Variants in TMEM132B observed in about 807,000 individuals in gnomAD.
The protein encoded by TMEM132B is transmembrane protein 132B.
A neutral mutation model predicts 90.8 loss-of-function variants in TMEM132B; 18 were observed. The observed-to-expected ratio is 0.20, with a 90% CI of 0.14 to 0.29. The LOEUF is 0.29. Ranked by LOEUF, TMEM132B falls within the 10% of genes least tolerant of loss-of-function variation. TMEM132B has a pLI of 1.00. For synonymous variants in TMEM132B, 504 were observed against 523.3 expected (o/e 0.96, Z 0.50); for missense variants, 1,096 against 1,326.8 (o/e 0.83, Z 2.70).
At chr12:125,327,782 T>A (rs1455576141) in intron 1 of TMEM132B, among the ~76,000 whole-genome samples, 1 of 152,114 alleles carries the variant, frequency 6.6e-6, no homozygotes, top group Non-Finnish European at 1.5e-5. Context: ...TGGGGTCTTC[T>A]ATAGTCCAAG....
intron 3 of TMEM132B, among the ~76,000 whole-genome samples, chr12:125,421,515 G>A (rs998525355): frequency 1.8e-4 from 28 of 152,182 alleles, no homozygotes; most frequent in African/African-American, 6.5e-4. Flanking sequence ...CCATGAGTCA[G>A]TTACCTCCCA....
chr12:125,613,794 A>G (rs987463922), intron 5 of TMEM132B, among the ~76,000 whole-genome samples: 6 of 152,106 alleles, frequency 3.9e-5, no homozygotes, highest in Non-Finnish European at 7.4e-5. Flanking sequence ...TCTCAGAAGC[A>G]TAGAGAAGAG....
At chr12:125,602,460 A>G (rs772856485) in intron 5 of TMEM132B, among the ~76,000 whole-genome samples, 15 of 152,216 alleles carry the variant, frequency 9.9e-5, no homozygotes, top group Non-Finnish European at 2.2e-4. Flanking sequence ...GATGAAACAT[A>G]TCTCAAAATA....
Position 125,407,509 on chromosome 12 carries a change from C to T in TMEM132B, c.960-8022C>T, listed in dbSNP as rs1055586302. Among the ~76,000 whole-genome samples the T allele has an allele frequency of 7.2e-5, 11 of 152,202 alleles. No homozygotes were observed. Among genetic ancestry groups the T allele is most frequent in the South Asian group, 2.1e-4 (1 of 4,822 alleles). ...GAGTGAGATGGAGAAGGTGTGACCC[C>T]GTGCCCTGTCTGTCTGTCCCTGCTG... On this transcript the variant is annotated intron_variant, in intron 2 of 8. Coordinates refer to ENST00000682704, the MANE Select transcript of TMEM132B (RefSeq NM_001366854.1). This position sits in a 1 kb window ranked among gnomAD's most constrained non-coding sequence, Gnocchi z 6.7.
chr12:125,467,386 C>T (rs1031445159), intron 3 of TMEM132B, among the ~76,000 whole-genome samples: 6 of 152,254 alleles, frequency 3.9e-5, no homozygotes, highest in Admixed American at 2.0e-4. Context: ...TCTCCTCCTC[C>T]TCTTTCTCCT....
At chr12:125,305,487 T>A (rs940086091) in intron 1 of TMEM132B, among the ~76,000 whole-genome samples, 1 of 152,156 alleles carries the variant, frequency 6.6e-6, no homozygotes, top group African/African-American at 2.4e-5. Context: ...TAAGAAGTCC[T>A]GGCATAAAGT....
intron 1 of TMEM132B, among the ~76,000 whole-genome samples, chr12:125,219,769 A>C (rs1205758036): frequency 6.6e-6 from 1 of 152,206 alleles, no homozygotes; most frequent in Non-Finnish European, 1.5e-5. Context: ...CATAATCAAT[A>C]ACAATCCCTT....
At chr12:125,270,778 G>C (rs536596808) in intron 1 of TMEM132B, among the ~76,000 whole-genome samples, 6 of 150,530 alleles carry the variant, frequency 4.0e-5, no homozygotes, top group African/African-American at 9.8e-5. Flanking sequence ...CAGAGACTCT[G>C]TGGGGGTTGG....
intron 1 of TMEM132B, among the ~76,000 whole-genome samples, chr12:125,330,919 C>A (rs527996720): frequency 3.3e-5 from 5 of 152,368 alleles, no homozygotes; most frequent in Non-Finnish European, 1.5e-5. Context: ...GTGTTCCTAG[C>A]TACTCAGGAG....
intron 5 of TMEM132B, among the ~76,000 whole-genome samples, chr12:125,635,593 A>G (rs533393880): frequency 4.6e-5 from 7 of 152,356 alleles, no homozygotes; most frequent in East Asian, 1.9e-4. Context: ...ACAGTGCCAC[A>G]GTAAACACAG....
chr12:125,476,052 G>C (rs1233241104), intron 3 of TMEM132B, among the ~76,000 whole-genome samples: 9 of 152,130 alleles, frequency 5.9e-5, no homozygotes, highest in Non-Finnish European at 1.2e-4. Flanking sequence ...TTAATGTTTG[G>C]GGAAGCCGGG....
rs142270065 is a variant in TMEM132B at position 125,570,356 on chromosome 12, C to A, written c.1294-13495C>A. Among the ~76,000 whole-genome samples, 21 of 152,318 alleles carry A rather than the reference C, an allele frequency of 1.4e-4. No homozygotes were observed. In the East Asian group the frequency reaches 4.1e-3, roughly 29 times the overall value. On this transcript the variant is annotated intron_variant, in intron 4 of 8. Transcript: ENST00000682704. ...ATGACCATCTTCCCTGTGAGTGACCCTCAATCGTGTCAGTTAAGCAGCACT... is the reference window on the plus strand; with the variant it reads ...ATGACCATCTTCCCTGTGAGTGACCATCAATCGTGTCAGTTAAGCAGCACT...
At chr12:125,296,589 G>A (rs539867942) in intron 1 of TMEM132B, among the ~76,000 whole-genome samples, 1 of 152,148 alleles carries the variant, frequency 6.6e-6, no homozygotes, top group Non-Finnish European at 1.5e-5. Context: ...TTTATGATTT[G>A]CTGTTGGTCT....
At chr12:125,286,041 G>A (rs1234564812) in intron 1 of TMEM132B, among the ~76,000 whole-genome samples, 1 of 152,186 alleles carries the variant, frequency 6.6e-6, no homozygotes, top group Admixed American at 6.5e-5. Context: ...CCATTAACTC[G>A]AAATGAATCA....
chr12:125,472,889 G>A (rs1183249787), intron 3 of TMEM132B, among the ~76,000 whole-genome samples: 1 of 152,174 alleles, frequency 6.6e-6, no homozygotes, highest in Non-Finnish European at 1.5e-5. Context: ...TTGTAGTCAC[G>A]CAAACAAAGT....
Position 125,267,494 on chromosome 12 carries a change from G to A in TMEM132B, c.67+80628G>A, listed in dbSNP as rs117965737. ...GGTTCCATGAATAAAAGGAAGAAGG[G>A]GAGAAAGGAAACTAGAATTAGCCAT... On this transcript the variant is annotated intron_variant, in intron 1 of 8. Transcript: ENST00000682704. 3.3e-3 allele frequency among the ~76,000 whole-genome samples: 508 copies of A among 152,210 alleles called. 19 individuals carry two copies. In the East Asian group the frequency reaches 0.087, roughly 26 times the overall value.
chr12:125,278,040 G>A (rs1215772115), intron 1 of TMEM132B, among the ~76,000 whole-genome samples: 8 of 152,164 alleles, frequency 5.3e-5, no homozygotes, highest in Non-Finnish European at 7.3e-5. Flanking sequence ...GCTTGCAGCC[G>A]CTTGTTTCGT....
chr12:125,250,176 G>C (rs1874288270), intron 1 of TMEM132B, among the ~76,000 whole-genome samples: 1 of 152,250 alleles, frequency 6.6e-6, no homozygotes, highest in Admixed American at 6.5e-5. Context: ...ATTGTGGGGG[G>C]ATCTGGGCGG....
chr12:125,578,918 C>A (rs774350168), intron 4 of TMEM132B, among the ~76,000 whole-genome samples: 1 of 152,000 alleles, frequency 6.6e-6, no homozygotes, highest in Admixed American at 6.6e-5. Context: ...TATCTAGGTG[C>A]GGATCTCTCT....
Sources: gnomAD v4.1 joint callset for allele counts (sites outside exome capture counted in the v4.1 genomes callset) on GRCh38, gnomAD v4.1.1 for gene constraint, Gnocchi (gnomAD v3.1) non-coding constraint, MANE v1.5 for transcripts, NCBI Gene and HGNC (gene_info 2026-07-23, HGNC 2026-07-21) for gene names.